The following ATP10B variants were observed in gnomAD, a reference collection of about 807,000 sequenced individuals.
The protein encoded by ATP10B is phospholipid-transporting ATPase VB.
A neutral mutation model predicts 141.2 loss-of-function variants in ATP10B; 122 were observed. The ratio of observed to expected loss-of-function variants is 0.86; its 90% CI spans 0.75 to 1.00. ATP10B has a LOEUF of 1.00. ATP10B is among the 50% of genes least tolerant of loss of function. ATP10B has a pLI of 0.00. For missense variants in ATP10B, 1,876 were observed against 1,825.3 expected, an observed-to-expected ratio of 1.03 and a Z score of -0.51; for synonymous variants, 685 against 692.0, an observed-to-expected ratio of 0.99 and a Z score of 0.16.
chr5:160,891,862 G>A, the ATP10B span, among the ~76,000 whole-genome samples: 3 of 152,172 alleles, frequency 2.0e-5, no homozygotes, highest in African/African-American at 7.2e-5. Context: ...TGTAAATGGG[G>A]AAATTATTTA....
At chr5:160,882,733 G>C in the ATP10B span, among the ~76,000 whole-genome samples, 3 of 152,062 alleles carry the variant, frequency 2.0e-5, no homozygotes, top group Non-Finnish European at 2.9e-5. Context: ...ATGGTATGGA[G>C]GAATGGAAGA....
chr5:160,754,557 GC>G (rs1402367181), intron 2 of ATP10B, among the ~76,000 whole-genome samples: 1 of 152,228 alleles, frequency 6.6e-6, no homozygotes, highest in African/African-American at 2.4e-5. Flanking sequence ...TCCAAGCTAT[GC>G]CTTTGACTCT....
At chr5:160,836,928 TC>T (rs1390137859) in intron 1 of ATP10B, among the ~76,000 whole-genome samples, 1 of 152,134 alleles carries the variant, frequency 6.6e-6, no homozygotes, top group Non-Finnish European at 1.5e-5. Context: ...GATCAAATAT[TC>T]CCTTGCTCAA....
At chr5:160,788,692 T>A (rs1771351098) in intron 1 of ATP10B, among the ~76,000 whole-genome samples, 1 of 152,136 alleles carries the variant, frequency 6.6e-6, no homozygotes, top group African/African-American at 2.4e-5. Flanking sequence ...GGTTTTCTAA[T>A]TTTTCTTCTC....
chr5:160,569,688 G>A lies in ATP10B; in HGVS notation c.3751-5C>T, dbSNP rs770574221. 3.2e-6 allele frequency: 5 copies of A among 1,551,156 alleles called. No individual in the cohort carries two copies. The highest frequency in any genetic ancestry group is 4.3e-6 in the Non-Finnish European group (5 of 1,150,994). The stretch of plus-strand genomic sequence containing the variant: ...CACGACTCCGTGGAAAATGGTCTGT[G>A]GAGGGAAATAAGCAAACACTGTTGA... On this transcript the variant is annotated splice_polypyrimidine_tract_variant and splice_region_variant and intron_variant, in intron 24 of 25. Coordinates refer to ENST00000327245, the MANE Select transcript of ATP10B (RefSeq NM_025153.3).
At chr5:160,659,530 A>G (rs1761762969) in intron 7 of ATP10B, among the ~76,000 whole-genome samples, 1 of 152,112 alleles carries the variant, frequency 6.6e-6, no homozygotes, top group Non-Finnish European at 1.5e-5. Context: ...TCACAAACCT[A>G]GCAGAGTTTC....
chr5:160,636,255 T>C lies in ATP10B; in HGVS notation c.1055A>G (p.Asp352Gly). The C allele has an allele frequency of 6.2e-7, 1 of 1,613,714 alleles. No homozygotes were observed. Among genetic ancestry groups the C allele is most frequent in the Non-Finnish European group, 8.5e-7 (1 of 1,179,770 alleles). The part of the protein sequence containing the change: ...FEEHPPFDVP[D>G]ANGSFLPSAL... ...ACTGGGAAGGAAGCTGCCATTGGCA[T>C]CTGGCACATCGAAGGGAGGGTGTTC... The change falls in exon 11 of 26, where the codon GAT becomes GGT. Residue 352 changes from aspartate (D) to glycine (G), a missense_variant. Transcript: ENST00000327245.
At chr5:160,630,294 T>A (rs1268962605) in intron 13 of ATP10B, among the ~76,000 whole-genome samples, 1 of 152,172 alleles carries the variant, frequency 6.6e-6, no homozygotes, top group Admixed American at 6.5e-5. Context: ...GATCTGGAGA[T>A]AGCTCTGGGG....
chr5:160,798,588 C>T (rs936807838), intron 1 of ATP10B, among the ~76,000 whole-genome samples: 5 of 152,124 alleles, frequency 3.3e-5, no homozygotes, highest in Admixed American at 1.3e-4. Flanking sequence ...CTAGACCCTT[C>T]GAAGAGAGAA....
intron 6 of ATP10B, among the ~76,000 whole-genome samples, chr5:160,678,398 G>A (rs1322135000): frequency 6.6e-6 from 1 of 152,160 alleles, no homozygotes; most frequent in Non-Finnish European, 1.5e-5. Flanking sequence ...GGTGGCTCAC[G>A]CCATAATACC....
chr5:160,604,300 G>A (rs149871438), intron 19 of ATP10B, among the ~76,000 whole-genome samples: 1,978 of 152,166 alleles, frequency 0.013, 21 homozygotes, highest in Non-Finnish European at 0.02. Flanking sequence ...TAGGTATTGG[G>A]GATATAATGG....
At chr5:160,699,296 C>A (rs1264151174) in intron 3 of ATP10B, among the ~76,000 whole-genome samples, 1 of 152,152 alleles carries the variant, frequency 6.6e-6, no homozygotes, top group Non-Finnish European at 1.5e-5. Context: ...TTTATAGATT[C>A]TTTTGGTATG....
chr5:160,588,207 C>G (rs1756043048), intron 24 of ATP10B, among the ~76,000 whole-genome samples: 1 of 152,176 alleles, frequency 6.6e-6, no homozygotes, highest in African/African-American at 2.4e-5. Flanking sequence ...ATTTTACTTT[C>G]TCTCTTTCTA....
intron 6 of ATP10B, 135 bp downstream of exon 6, chr5:160,685,944 T>A: frequency 1.3e-6 from 1 of 776,058 alleles, no homozygotes; most frequent in Non-Finnish European, 1.9e-6. Context: ...GGGGTCGAAA[T>A]CACCCCCCCT....
At chr5:160,855,539 G>A (rs1753973582), upstream of ATP10B, among the ~76,000 whole-genome samples, 1 of 151,004 alleles carries the variant, frequency 6.6e-6, no homozygotes, top group African/African-American at 2.4e-5. Context: ...ATATGTGGTT[G>A]GGAAATGTTT....
At chr5:160,649,820 A>AAT (rs138638563) in intron 7 of ATP10B, among the ~76,000 whole-genome samples, 3,365 of 152,120 alleles carry the variant, frequency 0.022, 117 homozygotes, top group African/African-American at 0.077. Context: ...CAGGGTTTTA[A>AAT]ATATATATAT....
At chr5:160,921,044 G>A in the ATP10B span, among the ~76,000 whole-genome samples, 246 of 152,110 alleles carry the variant, frequency 1.6e-3, no homozygotes, top group Non-Finnish European at 2.8e-3. Flanking sequence ...ACAAAGACAC[G>A]ACACCCGCTC....
intron 2 of ATP10B, among the ~76,000 whole-genome samples, chr5:160,725,724 C>T (rs969741383): frequency 1.3e-5 from 2 of 152,148 alleles, no homozygotes; most frequent in South Asian, 2.1e-4. Flanking sequence ...GGATTACAGG[C>T]GTGAGCCACC....
chr5:160,801,130 C>T (rs1772347230), intron 1 of ATP10B, among the ~76,000 whole-genome samples: 1 of 152,148 alleles, frequency 6.6e-6, no homozygotes, highest in Admixed American at 6.5e-5. Context: ...ACGATGTATT[C>T]ATCCAACATT....
Sources: gnomAD v4.1 joint callset for allele counts (sites outside exome capture counted in the v4.1 genomes callset) on GRCh38, gnomAD v4.1.1 for gene constraint, MANE v1.5 for transcripts, NCBI Gene and HGNC (gene_info 2026-07-23, HGNC 2026-07-21) for gene names.